NTM: variants seen among roughly 807,000 people sequenced by gnomAD.
NTM encodes IgLON family member 2.
A neutral mutation model predicts 42.1 loss-of-function variants in NTM; 13 were observed. The observed-to-expected ratio is 0.31, with a 90% CI of 0.20 to 0.49. The LOEUF is 0.49. NTM is among the 20% of genes least tolerant of loss of function. NTM has a pLI of 0.99. For synonymous variants in NTM, 187 were observed against 179.2 expected (o/e 1.04, Z -0.35); for missense variants, 373 against 452.8 (o/e 0.82, Z 1.60).
chr11:131,921,827 G>A (rs750396647), intron 2 of NTM, among the ~76,000 whole-genome samples: 26 of 151,964 alleles, frequency 1.7e-4, no homozygotes, highest in Non-Finnish European at 3.4e-4. Flanking sequence ...GAGGCCATCA[G>A]CACAAACCCT....
chr11:131,629,302 C>T (rs2063427941), intron 1 of NTM, among the ~76,000 whole-genome samples: 1 of 152,114 alleles, frequency 6.6e-6, no homozygotes, highest in Non-Finnish European at 1.5e-5. Context: ...ACCAGGCTCT[C>T]TTAATCTGAT....
intron 2 of NTM, among the ~76,000 whole-genome samples, chr11:131,943,664 A>G (rs1490929389): frequency 1.3e-5 from 2 of 152,104 alleles, no homozygotes; most frequent in Admixed American, 6.5e-5. Context: ...TTTCCCAGCT[A>G]GTTGGCCCAA....
At chr11:132,283,409 A>G (rs959936692) in intron 4 of NTM, among the ~76,000 whole-genome samples, 7 of 152,186 alleles carry the variant, frequency 4.6e-5, no homozygotes, top group African/African-American at 1.7e-4. Context: ...GTGGCTCAAG[A>G]TAATTAGCAC....
rs979580782 is a variant in NTM at position 132,146,736 on chromosome 11, A to G, written c.400+222A>G. The G allele has an allele frequency of 2.1e-6, 1 of 466,878 alleles. No individual in the cohort carries two copies. Among genetic ancestry groups the G allele is most frequent in the Non-Finnish European group, 3.7e-6 (1 of 268,236 alleles). 28.9% of individuals were successfully genotyped at this position (466,878 alleles called of 1,614,324 possible). A position where few individuals can be genotyped will look rare whatever the true frequency, so the allele number is the denominator to read the frequency against. On this transcript the variant is annotated intron_variant, in intron 3 of 8. Transcript: ENST00000683400. The surrounding 1 kb of genome is among the most constrained non-coding windows in gnomAD (Gnocchi z 4.5). ...TGTTTTTTTCATTTTTGTTCCAATA[A>G]TATATTTTCTCAGGAAATTATCTTG...
At chr11:131,538,632 A>ACTGTC (rs964902060) in intron 1 of NTM, 1 of 152,264 alleles carries the variant, frequency 6.6e-6, no homozygotes, top group African/African-American at 2.4e-5. Context: ...TTCTCTCTGG[A>ACTGTC]CTGTCCTGTC....
rs368121277 is a variant in NTM, at chr11:131,792,342, G to C, written c.83-119222G>C. Among the ~76,000 whole-genome samples the C allele has an allele frequency of 1.0e-3, 159 of 152,268 alleles. 1 individual carries two copies. The highest frequency in any genetic ancestry group is 3.7e-3 in the African/African-American group (154 of 41,552). On this transcript the variant is annotated intron_variant, in intron 1 of 8. Coordinates refer to ENST00000683400, the MANE Select transcript of NTM (RefSeq NM_001352005.2). ...TGGAGTAAGTTTGGGTGGAGATCTGGTTTTCTGTTCCTTTGCCTGCAGTGC... is the reference window on the plus strand; with the variant it reads ...TGGAGTAAGTTTGGGTGGAGATCTGCTTTTCTGTTCCTTTGCCTGCAGTGC...
intron 2 of NTM, among the ~76,000 whole-genome samples, chr11:132,045,079 A>T (rs2077799763): frequency 6.6e-6 from 1 of 152,254 alleles, no homozygotes; most frequent in African/African-American, 2.4e-5. Context: ...CAACAAAAAA[A>T]GAAAATGTCA....
In NTM at chr11:131,953,967, T is replaced by G. The variant is rs371149144; in HGVS notation, c.167+42319T>G. Among the ~76,000 whole-genome samples the G allele has an allele frequency of 4.3e-4, 65 of 152,284 alleles. No individual in the cohort carries two copies. The South Asian group carries it at 0.012, about 28-fold the overall frequency. On this transcript the variant is annotated intron_variant, in intron 2 of 8. Coordinates refer to ENST00000683400, the MANE Select transcript of NTM (RefSeq NM_001352005.2). ...TTTCTTTCCCTCCTTAGCCACTATT[T>G]CTGGTAATATCAAGTCCATCTGTAA...
At chr11:131,799,130 C>G (rs1199389175) in intron 1 of NTM, among the ~76,000 whole-genome samples, 1 of 152,124 alleles carries the variant, frequency 6.6e-6, no homozygotes, top group Non-Finnish European at 1.5e-5. Context: ...TTGTTTATAA[C>G]TAATATCTCT....
intron 1 of NTM, among the ~76,000 whole-genome samples, chr11:131,889,032 G>A (rs1835933283): frequency 1.3e-5 from 2 of 152,044 alleles, no homozygotes; most frequent in Admixed American, 1.3e-4. Context: ...GTCAAAGGCT[G>A]CTTGGAGTCA....
chr11:131,717,641 T>A (rs1298794614), intron 1 of NTM, among the ~76,000 whole-genome samples: 1 of 152,254 alleles, frequency 6.6e-6, no homozygotes, highest in Non-Finnish European at 1.5e-5. Flanking sequence ...ATATTCTATA[T>A]GGCAATCAAG....
At chr11:131,586,708 G>A (rs1053631820) in intron 1 of NTM, among the ~76,000 whole-genome samples, 1 of 152,154 alleles carries the variant, frequency 6.6e-6, no homozygotes, top group Admixed American at 6.6e-5. Flanking sequence ...TTGTTACACA[G>A]CAACAGATAA....
intron 8 of NTM, among the ~76,000 whole-genome samples, chr11:132,331,049 C>T (rs2095793268): frequency 6.6e-6 from 1 of 152,228 alleles, no homozygotes; most frequent in African/African-American, 2.4e-5. Context: ...GGAAGCAGCC[C>T]AGTGGCACGC....
intron 1 of NTM, among the ~76,000 whole-genome samples, chr11:131,745,639 C>G (rs2081729545): frequency 6.6e-6 from 1 of 152,034 alleles, no homozygotes; most frequent in Non-Finnish European, 1.5e-5. Context: ...GCTCTCGTGG[C>G]CTTAGCCAAG....
chr11:132,303,307 G>T (rs946423605), intron 4 of NTM, among the ~76,000 whole-genome samples: 1 of 152,216 alleles, frequency 6.6e-6, no homozygotes, highest in Non-Finnish European at 1.5e-5. Context: ...CTCTCTGACA[G>T]TGACAGGGGA....
intron 1 of NTM, among the ~76,000 whole-genome samples, chr11:131,767,455 A>G (rs893306848): frequency 5.3e-5 from 8 of 152,180 alleles, no homozygotes; most frequent in Non-Finnish European, 1.2e-4. Context: ...CCCCAAATTT[A>G]TATTGAAACC....
At chr11:131,882,118 A>G (rs1434970693) in intron 1 of NTM, among the ~76,000 whole-genome samples, 1 of 152,224 alleles carries the variant, frequency 6.6e-6, no homozygotes, top group Non-Finnish European at 1.5e-5. Context: ...ACATATGTAC[A>G]TTAGTCAGAA....
intron 1 of NTM, among the ~76,000 whole-genome samples, chr11:131,894,668 C>T (rs1592644466): frequency 6.6e-6 from 1 of 152,176 alleles, no homozygotes; most frequent in Non-Finnish European, 1.5e-5. Context: ...TCCATCGCCT[C>T]ACCTCCTCCA....
chr11:132,335,913 G>A lies in NTM; in HGVS notation c.*767G>A, dbSNP rs1023399885. On this transcript the variant is annotated 3_prime_UTR_variant, in exon 9 of 9. Coordinates refer to ENST00000683400, the MANE Select transcript of NTM (RefSeq NM_001352005.2). ...AGTATGTTTGTTAAACAGTAAAAAT[G>A]AATAGTATACTTCTTAACTAGGTTT... 6.6e-6 allele frequency: 1 copy of A among 152,528 alleles called. No homozygotes were observed. The highest frequency in any genetic ancestry group is 1.5e-5 in the Non-Finnish European group (1 of 68,006). 9.4% of individuals were successfully genotyped at this position (152,528 alleles called of 1,614,324 possible).
Sources: allele counts gnomAD v4.1 joint callset (sites outside exome capture counted in the v4.1 genomes callset), GRCh38; gene constraint gnomAD v4.1.1; non-coding constraint Gnocchi (gnomAD v3.1); transcripts MANE v1.5; gene names NCBI Gene and HGNC (gene_info 2026-07-23, HGNC 2026-07-21).